The following CDH18 variants were observed in gnomAD, a reference collection of about 807,000 sequenced individuals.
CDH18 encodes the protein cadherin 18, also known as cadherin-18.
A neutral mutation model predicts 67.9 loss-of-function variants in CDH18; 31 were observed. The observed-to-expected ratio is 0.46, with a 90% confidence interval of 0.34 to 0.62. CDH18 has a LOEUF of 0.62. Among genes scored for constraint, CDH18 ranks in the 20% least tolerant of loss-of-function variants. The pLI is 0.01. For synonymous variants in CDH18, 362 were observed against 347.2 expected, an observed-to-expected ratio of 1.04 and a Z score of -0.48; for missense variants, 890 against 975.5, an observed-to-expected ratio of 0.91 and a Z score of 1.17.
chr5:19,625,630 T>C (rs1751424680), intron 5 of CDH18, among the ~76,000 whole-genome samples: 1 of 152,114 alleles, frequency 6.6e-6, no homozygotes, highest in South Asian at 2.1e-4. Flanking sequence ...TTTCCCCATA[T>C]GTTCAAATCA....
chr5:20,289,236 C>T (rs1312794539), intron 1 of CDH18, among the ~76,000 whole-genome samples: 1 of 151,878 alleles, frequency 6.6e-6, no homozygotes, highest in Non-Finnish European at 1.5e-5. Context: ...ATTTAATATT[C>T]AAAACATCCT....
At chr5:20,569,398 G>T (rs141440022) in intron 1 of CDH18, among the ~76,000 whole-genome samples, 1 of 152,042 alleles carries the variant, frequency 6.6e-6, no homozygotes, top group Non-Finnish European at 1.5e-5. Flanking sequence ...CACGGCGGGC[G>T]GATCATGAGG....
intron 2 of CDH18, among the ~76,000 whole-genome samples, chr5:20,029,782 T>C (rs1739226283): frequency 6.6e-6 from 1 of 152,198 alleles, no homozygotes. Flanking sequence ...TGTAACACAT[T>C]ACCACAAACT....
At chr5:19,574,867 T>C (rs7710789) in intron 7 of CDH18, among the ~76,000 whole-genome samples, 18,309 of 151,966 alleles carry the variant, frequency 0.12, 1,580 homozygotes, top group African/African-American at 0.25. Context: ...GGTGACACCC[T>C]GTCTTTACTA....
chr5:19,893,858 T>C (rs1789024023), intron 2 of CDH18, among the ~76,000 whole-genome samples: 1 of 152,134 alleles, frequency 6.6e-6, no homozygotes, highest in African/African-American at 2.4e-5. Flanking sequence ...CCTCCTGTTA[T>C]TTTTAACTCA....
chr5:20,004,290 A>G (rs1736705763), intron 2 of CDH18, among the ~76,000 whole-genome samples: 1 of 152,190 alleles, frequency 6.6e-6, no homozygotes, highest in Non-Finnish European at 1.5e-5. Flanking sequence ...CTGCACAGCA[A>G]AGAGTATTAC....
rs141463245 is a variant in CDH18, at chr5:19,845,270, C to A, written c.-256-6028G>T. 2.9e-3 allele frequency among the ~76,000 whole-genome samples: 448 copies of A among 151,890 alleles called. 2 individuals carry two copies. The highest frequency in any genetic ancestry group is 8.6e-3 in the African/African-American group (356 of 41,448). ...ATTTCTCTTGACTTTTTTCTTTGAC[C>A]CATTGGTTGTTCAAGAATGTGCAGT... is the stretch of plus-strand genomic sequence containing the variant. On this transcript the variant is annotated intron_variant, in intron 2 of 12. Coordinates refer to ENST00000382275, the MANE Select transcript of CDH18 (RefSeq NM_004934.5).
Position 19,623,982 on chromosome 5 carries a change from C to T in CDH18, c.644-11381G>A, listed in dbSNP as rs888333287. ...ATTTATAATGCATTATGTCACACTCCATTATTATTATTATTATTATTATTA... is the reference window on the plus strand; with the variant it reads ...ATTTATAATGCATTATGTCACACTCTATTATTATTATTATTATTATTATTA... On this transcript the variant is annotated intron_variant, in intron 5 of 12. Coordinates refer to ENST00000382275, the MANE Select transcript of CDH18 (RefSeq NM_004934.5). Among the ~76,000 whole-genome samples, 16 of 139,822 alleles carry T rather than the reference C, an allele frequency of 1.1e-4. 1 individual carries two copies. The highest frequency in any genetic ancestry group is 4.8e-4 in the South Asian group (2 of 4,160). The allele number at this position is 139,822 out of a possible 152,430, so 91.7% of individuals were successfully genotyped here.
intron 2 of CDH18, among the ~76,000 whole-genome samples, chr5:20,162,425 GTATATATTATATATAATGTA>G (rs1313707572): frequency 1.4e-5 from 2 of 146,620 alleles, no homozygotes; most frequent in African/African-American, 2.5e-5. Context: ...ATATATATTA[GTATATATTATATATAATGTA>G]TATATATTAT....
At chr5:20,029,351 C>G (rs930644952) in intron 2 of CDH18, among the ~76,000 whole-genome samples, 1 of 152,130 alleles carries the variant, frequency 6.6e-6, no homozygotes, top group Admixed American at 6.6e-5. Flanking sequence ...GACATTATAA[C>G]TATATTTTAT....
At chr5:20,467,692 A>C (rs2150233613) in intron 1 of CDH18, among the ~76,000 whole-genome samples, 1 of 152,354 alleles carries the variant, frequency 6.6e-6, no homozygotes, top group South Asian at 2.1e-4. Flanking sequence ...TGAATCAATA[A>C]ATAGATAATT....
chr5:19,555,773 AT>A (rs1738296250), intron 8 of CDH18, among the ~76,000 whole-genome samples: 1 of 152,152 alleles, frequency 6.6e-6, no homozygotes, highest in Non-Finnish European at 1.5e-5. Flanking sequence ...ATCGCAACTG[AT>A]GTGCTCTTGA....
chr5:20,394,935 A>G (rs928951829), intron 1 of CDH18, among the ~76,000 whole-genome samples: 1 of 152,146 alleles, frequency 6.6e-6, no homozygotes. Flanking sequence ...AAAAAATAAA[A>G]ATAAATAAAT....
chr5:20,560,468 TACACACACACACACACACACAC>T (rs547246325), intron 1 of CDH18, among the ~76,000 whole-genome samples: 17 of 127,606 alleles, frequency 1.3e-4, no homozygotes, highest in Admixed American at 5.6e-4. Flanking sequence ...CCAACACTCA[TACACACACACACACACACACAC>T]ACACACACAC....
chr5:19,878,945 T>C (rs1410181507), intron 2 of CDH18, among the ~76,000 whole-genome samples: 1 of 151,994 alleles, frequency 6.6e-6, no homozygotes, highest in Non-Finnish European at 1.5e-5. Context: ...GGAGATCAAA[T>C]AGAAGCTAAA....
At chr5:20,004,386 G>A (rs770539850) in intron 2 of CDH18, among the ~76,000 whole-genome samples, 3 of 152,184 alleles carry the variant, frequency 2.0e-5, no homozygotes, top group Non-Finnish European at 4.4e-5. Flanking sequence ...GCTAAAGGAG[G>A]TCTAAATATC....
chr5:19,901,311 T>C (rs1322810727), intron 2 of CDH18, among the ~76,000 whole-genome samples: 1 of 152,128 alleles, frequency 6.6e-6, no homozygotes, highest in African/African-American at 2.4e-5. Context: ...AATTTTAACA[T>C]CAGTAACAGA....
At chr5:19,761,114 G>A (rs138943059) in intron 3 of CDH18, among the ~76,000 whole-genome samples, 6 of 152,212 alleles carry the variant, frequency 3.9e-5, no homozygotes, top group African/African-American at 1.4e-4. Context: ...TGGCGAGGTC[G>A]TGCATGCATC....
rs569044757 is a variant in CDH18, at chr5:20,449,448, T to A, written c.-580+126014A>T. ...CCCAGGGCTTCATATAAATGATGTA[T>A]AAATTTAATAAAAATAAAGACATAA... On this transcript the variant is annotated intron_variant, in intron 1 of 14. Coordinates refer to the CDH18 transcript ENST00000507958. Among the ~76,000 whole-genome samples the A allele has an allele frequency of 4.6e-5, 7 of 152,210 alleles. No homozygotes were observed. The East Asian group carries it at 1.4e-3, about 29-fold the overall frequency.
Sources: allele counts gnomAD v4.1 joint callset (sites outside exome capture counted in the v4.1 genomes callset), GRCh38; gene constraint gnomAD v4.1.1; transcripts MANE v1.5; gene names NCBI Gene and HGNC (gene_info 2026-07-23, HGNC 2026-07-21).